GRID1: variants seen among roughly 807,000 people sequenced by gnomAD.
GRID1 encodes glutamate receptor ionotropic, delta-1.
In GRID1, 28 loss-of-function variants were observed where a neutral mutation model predicts 98.0. The observed-to-expected ratio is 0.29, with a 90% CI of 0.21 to 0.39. The LOEUF (loss-of-function observed/expected upper bound fraction) is 0.39, where lower values mean the gene tolerates loss of function less well. GRID1 is among the 10% of genes least tolerant of loss of function. GRID1 has a pLI of 1.00. For missense variants in GRID1, 1,111 were observed against 1,340.5 expected (o/e 0.83, Z 2.67); for synonymous variants, 553 against 538.5 (o/e 1.03, Z -0.37).
At chr10:86,125,130 A>C (rs1227783633) in intron 4 of GRID1, among the ~76,000 whole-genome samples, 1 of 152,252 alleles carries the variant, frequency 6.6e-6, no homozygotes, top group African/African-American at 2.4e-5. Flanking sequence ...CTGCACCCAC[A>C]GCAAGGACTG....
intron 5 of GRID1, among the ~76,000 whole-genome samples, chr10:85,870,331 C>T (rs7093076): frequency 0.012 from 1,852 of 152,316 alleles, 35 homozygotes; most frequent in African/African-American, 0.041. Flanking sequence ...ATTTTCCAGC[C>T]GCTCTCAGGC....
intron 13 of GRID1, among the ~76,000 whole-genome samples, chr10:85,634,952 C>T (rs956914561): frequency 6.6e-5 from 8 of 121,060 alleles, no homozygotes; most frequent in Admixed American, 1.2e-4. Flanking sequence ...TAAGGTGAAG[C>T]GTATCAGACC....
At chr10:86,153,069 C>T (rs375755264) in intron 3 of GRID1, among the ~76,000 whole-genome samples, 5 of 152,316 alleles carry the variant, frequency 3.3e-5, no homozygotes, top group East Asian at 1.9e-4. Flanking sequence ...GGCCTCCTGA[C>T]GCCACTTCTG....
At chr10:85,645,723 G>A (rs1281874877) in intron 13 of GRID1, 1 of 152,192 alleles carries the variant, frequency 6.6e-6, no homozygotes. Context: ...CCAGAGCCTA[G>A]ACATCTTCTG....
At chr10:85,943,431 C>T (rs1040041291) in intron 4 of GRID1, among the ~76,000 whole-genome samples, 2 of 152,022 alleles carry the variant, frequency 1.3e-5, no homozygotes, top group African/African-American at 2.4e-5. Context: ...CATTACCTCA[C>T]CATGGAACTA....
intron 5 of GRID1, among the ~76,000 whole-genome samples, chr10:85,887,316 G>A (rs1841130831): frequency 6.6e-6 from 1 of 152,150 alleles, no homozygotes; most frequent in Non-Finnish European, 1.5e-5. Flanking sequence ...GGAAGAAGGG[G>A]CATCTTCTGA....
chr10:85,603,690 A>G lies in GRID1; in HGVS notation c.2602-989T>C, dbSNP rs984649278. On this transcript the variant is annotated intron_variant, in intron 15 of 15. Coordinates refer to ENST00000327946, the MANE Select transcript of GRID1 (RefSeq NM_017551.3). The stretch of plus-strand genomic sequence containing the variant: ...GGACCTGGTGCTCAGCAGAGGAGCC[A>G]TATGAGCTTCCCGGTGAGGTTGAGG... Among the ~76,000 whole-genome samples the G allele has an allele frequency of 2.6e-4, 40 of 152,192 alleles. 1 individual carries two copies. The highest frequency in any genetic ancestry group is 7.5e-4 in the African/African-American group (31 of 41,466).
At chr10:85,702,373 C>A (rs1841461414) in intron 12 of GRID1, among the ~76,000 whole-genome samples, 1 of 152,028 alleles carries the variant, frequency 6.6e-6, no homozygotes, top group South Asian at 2.1e-4. Context: ...AGGAACTCCC[C>A]AGAATGAGCA....
chr10:86,000,391 C>A (rs1458047345), intron 4 of GRID1, among the ~76,000 whole-genome samples: 1 of 152,092 alleles, frequency 6.6e-6, no homozygotes, highest in Non-Finnish European at 1.5e-5. Flanking sequence ...CTATAGGTAA[C>A]AAAATCCCAA....
At chr10:85,724,801 C>T (rs1434639397) in intron 10 of GRID1, 125 bp from the exon 11 acceptor site, 5 of 665,134 alleles carry the variant, frequency 7.5e-6, no homozygotes, top group Admixed American at 2.9e-5. Flanking sequence ...TGAGAGCTGG[C>T]ACCCTGAGAG....
chr10:86,143,747 G>T (rs1248175525), intron 3 of GRID1, among the ~76,000 whole-genome samples: 1 of 152,216 alleles, frequency 6.6e-6, no homozygotes, highest in African/African-American at 2.4e-5. Context: ...ACCCAGGAGA[G>T]GCATGGACTC....
intron 4 of GRID1, among the ~76,000 whole-genome samples, chr10:85,986,212 A>G (rs1359801148): frequency 1.3e-5 from 2 of 152,256 alleles, no homozygotes; most frequent in Non-Finnish European, 2.9e-5. Context: ...TCAGTCTCCC[A>G]TATTTGAAGC....
At chr10:86,168,268 C>A in intron 3 of GRID1, among the ~76,000 whole-genome samples, 1 of 152,186 alleles carries the variant, frequency 6.6e-6, no homozygotes, top group East Asian at 1.9e-4. Context: ...GGTACTTAAC[C>A]ACTTTGAGCC....
chr10:86,073,521 G>C (rs1305409985), intron 4 of GRID1, among the ~76,000 whole-genome samples: 1 of 152,212 alleles, frequency 6.6e-6, no homozygotes, highest in African/African-American at 2.4e-5. Flanking sequence ...CTGGAAACAG[G>C]GTTTGCTAGT....
At chr10:86,094,491 G>A (rs886180329) in intron 4 of GRID1, among the ~76,000 whole-genome samples, 1 of 152,094 alleles carries the variant, frequency 6.6e-6, no homozygotes, top group Non-Finnish European at 1.5e-5. Flanking sequence ...TAAAAGAATT[G>A]AGCAAAGTTT....
chr10:85,979,854 T>C (rs552277313), intron 4 of GRID1, among the ~76,000 whole-genome samples: 44 of 152,358 alleles, frequency 2.9e-4, no homozygotes, highest in South Asian at 2.3e-3. Flanking sequence ...TCCAGTGGCC[T>C]ACTCCAAGTT....
intron 3 of GRID1, among the ~76,000 whole-genome samples, chr10:86,182,114 C>G (rs895832818): frequency 6.6e-6 from 1 of 152,220 alleles, no homozygotes; most frequent in South Asian, 2.1e-4. Flanking sequence ...GTGCAGACAG[C>G]CTTAGAGCTG....
chr10:85,808,969 T>A (rs531998351), intron 8 of GRID1, among the ~76,000 whole-genome samples: 1 of 152,138 alleles, frequency 6.6e-6, no homozygotes, highest in Admixed American at 6.5e-5. Flanking sequence ...ATATTATGCT[T>A]GTATGTCAAA....
chr10:85,671,381 A>G (rs1253260174), intron 12 of GRID1, among the ~76,000 whole-genome samples: 1 of 152,104 alleles, frequency 6.6e-6, no homozygotes, highest in Non-Finnish European at 1.5e-5. Context: ...TTTTAAAATT[A>G]TTACTATTAT....
Sources: gnomAD v4.1 joint callset for allele counts (sites outside exome capture counted in the v4.1 genomes callset) on GRCh38, gnomAD v4.1.1 for gene constraint, MANE v1.5 for transcripts, NCBI Gene and HGNC (gene_info 2026-07-23, HGNC 2026-07-21) for gene names.